The following CASD1 variants were observed in gnomAD, a reference collection of about 807,000 sequenced individuals.
CASD1 encodes the protein N-acetylneuraminate (7)9-O-acetyltransferase.
Under a neutral mutation model 100.0 loss-of-function variants are expected in CASD1, and 41 were observed. The ratio of observed to expected loss-of-function variants is 0.41; its 90% confidence interval spans 0.32 to 0.53. CASD1 has a LOEUF of 0.53. Among genes scored for constraint, CASD1 ranks in the 20% least tolerant of loss-of-function variants. CASD1 has a pLI of 0.25. For synonymous variants in CASD1, 321 were observed against 315.6 expected (o/e 1.02, Z -0.18); for missense variants, 774 against 948.7 (o/e 0.82, Z 2.42).
At position 94,552,524 on chromosome 7, in the gene CASD1, T is replaced by C; in HGVS notation, c.2034+97T>C. ...ATTTGAGATTGAACTCCAGAAAATGTAGAGAAGTTACTTCATCTTTCTAAG... is the reference window on the plus strand; with the variant it reads ...ATTTGAGATTGAACTCCAGAAAATGCAGAGAAGTTACTTCATCTTTCTAAG... On this transcript the variant is annotated intron_variant, in intron 16 of 17. Coordinates refer to ENST00000297273, the MANE Select transcript of CASD1 (RefSeq NM_022900.5). The C allele has an allele frequency of 4.9e-6, 4 of 822,358 alleles. No homozygotes were observed. In the South Asian group the frequency reaches 6.7e-5, roughly 14 times the overall value. 50.9% of individuals were successfully genotyped at this position (822,358 alleles called of 1,614,324 possible).
chr7:94,511,534 A>T (rs75260121), intron 1 of CASD1, among the ~76,000 whole-genome samples: 9 of 152,228 alleles, frequency 5.9e-5, no homozygotes, highest in African/African-American at 1.9e-4. Flanking sequence ...TCACAGCCAT[A>T]CGACCTTGCA....
intron 5 of CASD1, among the ~76,000 whole-genome samples, chr7:94,532,749 A>C (rs918566831): frequency 6.6e-6 from 1 of 152,124 alleles, no homozygotes; most frequent in Non-Finnish European, 1.5e-5. Context: ...TTATTTTGTT[A>C]AATATGCATT....
intron 8 of CASD1, 37 bp from the exon 9 acceptor site, chr7:94,537,435 G>A (rs1795174409): frequency 6.5e-7 from 1 of 1,544,796 alleles, no homozygotes; most frequent in Admixed American, 2.0e-5. Context: ...ATACATCACT[G>A]ACAAGATAAT....
At chr7:94,515,561 G>A (rs571417956) in intron 1 of CASD1, among the ~76,000 whole-genome samples, 7 of 152,162 alleles carry the variant, frequency 4.6e-5, no homozygotes, top group Non-Finnish European at 7.4e-5. Context: ...GGGGAGAAAC[G>A]ACTGGTTATT....
chr7:94,616,752 T>G, the CASD1 span: 1 of 152,110 alleles, frequency 6.6e-6, no homozygotes, highest in South Asian at 2.1e-4. Context: ...AGCGACAAAC[T>G]TTTTTTTCGA....
At chr7:94,574,953 G>A in the CASD1 span, among the ~76,000 whole-genome samples, 1 of 152,142 alleles carries the variant, frequency 6.6e-6, no homozygotes, top group Non-Finnish European at 1.5e-5. Context: ...CTGGGTGACA[G>A]AGGGAGACTC....
At chr7:94,629,695 T>C in the CASD1 span, 1 of 1,610,114 alleles carries the variant, frequency 6.2e-7, no homozygotes, top group Non-Finnish European at 8.5e-7. Context: ...GTTAACTGCT[T>C]TTTTTTCCTC....
intron 7 of CASD1, among the ~76,000 whole-genome samples, chr7:94,534,109 A>G (rs900062026): frequency 1.1e-4 from 16 of 151,580 alleles, no homozygotes; most frequent in African/African-American, 3.6e-4. Context: ...CTTACAAAAC[A>G]TATTTATTGT....
rs773968719 is a variant in CASD1 at position 94,533,734 on chromosome 7, A to G, written c.560A>G (p.Asn187Ser). The stretch of plus-strand genomic sequence containing the variant: ...GAAGCGCTTTCTCAATATAAAATGA[A>G]CATCACCTCCATAGCACCACTTTTA... ...SSEALSQYKM[N>S]ITSIAPLLEK... Residue 187 changes from asparagine (N) to serine (S), a missense_variant, in exon 7 of 18, where the codon AAC becomes AGC. By Grantham distance (46) the Asn-to-Ser change is conservative (BLOSUM62 1). This residue lies in a region of CASD1 where 453 missense variants were observed against 532.6 expected (regional missense o/e 0.85). Transcript: ENST00000297273. The G allele has an allele frequency of 6.2e-7, 1 of 1,606,702 alleles. No homozygotes were observed. The highest frequency in any genetic ancestry group is 1.1e-5 in the South Asian group (1 of 90,116).
chr7:94,581,037 G>A, the CASD1 span, among the ~76,000 whole-genome samples: 3 of 152,224 alleles, frequency 2.0e-5, no homozygotes, highest in East Asian at 3.9e-4. Flanking sequence ...CCATTTAGGG[G>A]TAGACTCACA....
chr7:94,514,954 T>C (rs1158239330), intron 1 of CASD1, among the ~76,000 whole-genome samples: 1 of 152,152 alleles, frequency 6.6e-6, no homozygotes, highest in East Asian at 1.9e-4. Flanking sequence ...GATTTTATTT[T>C]AAAAAATTTC....
downstream of CASD1, among the ~76,000 whole-genome samples, chr7:94,559,746 G>A (rs770850607): frequency 3.3e-5 from 5 of 152,098 alleles, no homozygotes; most frequent in South Asian, 2.1e-4. Context: ...GGCTGTTGTC[G>A]AATTCCTGAC....
rs1178699535 is a variant in CASD1 at position 94,523,518 on chromosome 7, C to T, written c.352-3644C>T. On this transcript the variant is annotated intron_variant, in intron 3 of 17. Transcript: ENST00000297273. ...ACAGCAAATGTGGAAGATCTGTATG[C>T]AGAAAAGCCATAAAAATTTATTGGA... Among the ~76,000 whole-genome samples, 3 of 152,166 alleles carry T rather than the reference C, an allele frequency of 2.0e-5. No individual in the cohort carries two copies. In the South Asian group the frequency reaches 6.2e-4, roughly 32 times the overall value.
At chr7:94,555,254 C>A (rs1420550574) in intron 17 of CASD1, among the ~76,000 whole-genome samples, 1 of 151,870 alleles carries the variant, frequency 6.6e-6, no homozygotes. Flanking sequence ...TCTTTGAGTT[C>A]TTGAATAATT....
At chr7:94,607,408 A>C in the CASD1 span, among the ~76,000 whole-genome samples, 18 of 152,160 alleles carry the variant, frequency 1.2e-4, no homozygotes, top group Non-Finnish European at 1.5e-4. Flanking sequence ...ATCCTCAACA[A>C]AATATTAGCA....
At chr7:94,587,731 T>G in the CASD1 span, 2 of 1,536,492 alleles carry the variant, frequency 1.3e-6, no homozygotes, top group Non-Finnish European at 1.8e-6. Context: ...AAAATTCTGA[T>G]AAACATCTTG....
At chr7:94,628,365 T>A in the CASD1 span, 2 of 1,602,210 alleles carry the variant, frequency 1.2e-6, no homozygotes, top group East Asian at 2.2e-5. Flanking sequence ...CTCGCCTAGA[T>A]AAGAAACAGA....
the CASD1 span, chr7:94,587,515 C>A: frequency 7.7e-7 from 1 of 1,296,720 alleles, no homozygotes; most frequent in South Asian, 2.7e-5. Context: ...TAGAAATTTT[C>A]CTTTTAAAAA....
At chr7:94,552,124 A>G in intron 15 of CASD1, 1 of 457,778 alleles carries the variant, frequency 2.2e-6, no homozygotes, top group East Asian at 4.0e-5. Context: ...CTGTTTCCAG[A>G]AAAGCACAGA....
Sources: gnomAD v4.1 joint callset for allele counts (sites outside exome capture counted in the v4.1 genomes callset) on GRCh38, gnomAD v4.1.1 for gene constraint, gnomAD v4.1.1 regional missense constraint, MANE v1.5 for transcripts, NCBI Gene and HGNC (gene_info 2026-07-23, HGNC 2026-07-21) for gene names.